EPHA3: variants seen among roughly 807,000 people sequenced by gnomAD.
EPHA3 encodes EPH receptor A3, also known as ephrin type-A receptor 3.
Under a neutral mutation model 107.1 loss-of-function variants are expected in EPHA3, and 42 were observed. The observed-to-expected ratio is 0.39, with a 90% CI of 0.31 to 0.51. EPHA3 has a LOEUF of 0.51. EPHA3 is among the 20% of genes least tolerant of loss of function. The probability of loss-of-function intolerance (pLI) is 0.78; values close to 1 mark genes in which losing one functional copy is unlikely to be tolerated. For synonymous variants in EPHA3, 461 were observed against 424.8 expected (o/e 1.09, Z -1.05); for missense variants, 1,183 against 1,211.2 (o/e 0.98, Z 0.35).
At chr3:89,412,311 C>A (rs1576365293) in intron 9 of EPHA3, among the ~76,000 whole-genome samples, 1 of 151,402 alleles carries the variant, frequency 6.6e-6, no homozygotes, top group East Asian at 1.9e-4. Context: ...ACATTTTTAC[C>A]TTCAGAATAA....
chr3:89,157,965 A>C (rs1237649216), intron 2 of EPHA3, among the ~76,000 whole-genome samples: 1 of 151,998 alleles, frequency 6.6e-6, no homozygotes, highest in Non-Finnish European at 1.5e-5. Context: ...AGTGAGATAA[A>C]TGCCTAAAGT....
intron 2 of EPHA3, among the ~76,000 whole-genome samples, chr3:89,138,235 T>C (rs573261691): frequency 2.0e-5 from 3 of 152,098 alleles, no homozygotes; most frequent in African/African-American, 7.2e-5. Flanking sequence ...CCCTGGCAAC[T>C]TGGGAAATCT....
intron 2 of EPHA3, among the ~76,000 whole-genome samples, chr3:89,147,589 G>A (rs1483233872): frequency 1.3e-5 from 2 of 151,868 alleles, no homozygotes; most frequent in Admixed American, 6.6e-5. Context: ...GAACAGAATC[G>A]TGTTTCAATT....
At chr3:89,355,700 A>G (rs1371034900) in intron 5 of EPHA3, among the ~76,000 whole-genome samples, 6 of 150,844 alleles carry the variant, frequency 4.0e-5, no homozygotes, top group Non-Finnish European at 5.9e-5. Context: ...ATGAGAGAGC[A>G]TTTGTGACTG....
intron 3 of EPHA3, among the ~76,000 whole-genome samples, chr3:89,277,786 A>T (rs1158339697): frequency 6.6e-6 from 1 of 152,142 alleles, no homozygotes; most frequent in East Asian, 1.9e-4. Context: ...CCCATTTATG[A>T]AAATTCCCTA....
At chr3:89,192,700 T>C (rs1414662927) in intron 2 of EPHA3, among the ~76,000 whole-genome samples, 1 of 152,058 alleles carries the variant, frequency 6.6e-6, no homozygotes, top group Non-Finnish European at 1.5e-5. Context: ...TTGGATTTCA[T>C]ATTTTGAATA....
chr3:89,437,444 T>A (rs1300980663), intron 13 of EPHA3, among the ~76,000 whole-genome samples: 1 of 151,776 alleles, frequency 6.6e-6, no homozygotes, highest in Admixed American at 6.6e-5. Flanking sequence ...AACAGAAAAA[T>A]TAATTCCTTT....
chr3:89,341,725 C>A (rs116667804), intron 4 of EPHA3, 30 bp from the exon 5 acceptor site: 1 of 1,524,586 alleles, frequency 6.6e-7, no homozygotes, highest in Non-Finnish European at 8.9e-7. Flanking sequence ...AGAAGTGAGG[C>A]TCATTAATCT....
At chr3:89,300,377 A>C (rs1706453801) in intron 3 of EPHA3, among the ~76,000 whole-genome samples, 1 of 152,054 alleles carries the variant, frequency 6.6e-6, no homozygotes, top group East Asian at 1.9e-4. Context: ...TATATGTTTC[A>C]AACTTATATA....
At chr3:89,117,337 A>G (rs1371130520) in intron 1 of EPHA3, among the ~76,000 whole-genome samples, 3 of 152,084 alleles carry the variant, frequency 2.0e-5, no homozygotes, top group Admixed American at 1.3e-4. Context: ...TTTCCTATCT[A>G]CCTCAGACTG....
intron 3 of EPHA3, among the ~76,000 whole-genome samples, 171 bp from the exon 4 acceptor site, chr3:89,340,745 A>G (rs1385820982): frequency 6.6e-6 from 1 of 152,228 alleles, no homozygotes; most frequent in African/African-American, 2.4e-5. Flanking sequence ...AAATTCAAGC[A>G]TTTATGTAGA....
At chr3:89,470,545 C>T (rs1319832922) in intron 15 of EPHA3, among the ~76,000 whole-genome samples, 1 of 152,094 alleles carries the variant, frequency 6.6e-6, no homozygotes. Flanking sequence ...AGGAAACAGA[C>T]AAGAAATTCA....
At chr3:89,221,288 G>A (rs1432879526) in intron 3 of EPHA3, among the ~76,000 whole-genome samples, 1 of 152,132 alleles carries the variant, frequency 6.6e-6, no homozygotes, top group African/African-American at 2.4e-5. Flanking sequence ...TGACTCCAAG[G>A]GTGGGAGTGA....
At chr3:89,407,408 G>GT in intron 8 of EPHA3, 37 bp downstream of exon 8, 1 of 1,535,526 alleles carries the variant, frequency 6.5e-7, no homozygotes, top group Non-Finnish European at 9.0e-7. Flanking sequence ...CACTTTCTTT[G>GT]TTGCTTTGTT....
intron 5 of EPHA3, among the ~76,000 whole-genome samples, chr3:89,365,571 T>C (rs183543676): frequency 2.7e-5 from 4 of 150,868 alleles, no homozygotes; most frequent in African/African-American, 9.7e-5. Context: ...CATAGACTAA[T>C]GTTGCTGCAC....
chr3:89,313,449 AGTTT>A (rs1271503040), intron 3 of EPHA3, among the ~76,000 whole-genome samples: 2 of 151,728 alleles, frequency 1.3e-5, no homozygotes, highest in Non-Finnish European at 2.9e-5. Context: ...TTACACTGTT[AGTTT>A]AACAAAATGA....
At chr3:89,457,072 T>C (rs903743998) in intron 15 of EPHA3, among the ~76,000 whole-genome samples, 2 of 152,102 alleles carry the variant, frequency 1.3e-5, no homozygotes, top group Non-Finnish European at 2.9e-5. Flanking sequence ...TATTTGGAGT[T>C]TTCTGGTATT....
intron 10 of EPHA3, among the ~76,000 whole-genome samples, chr3:89,414,447 G>A (rs990180678): frequency 1.3e-5 from 2 of 151,630 alleles, no homozygotes; most frequent in Admixed American, 1.3e-4. Context: ...TGCTGATCCA[G>A]TGCCAAAACA....
intron 3 of EPHA3, among the ~76,000 whole-genome samples, chr3:89,307,696 C>A (rs1209273423): frequency 6.6e-6 from 1 of 152,036 alleles, no homozygotes; most frequent in Non-Finnish European, 1.5e-5. Flanking sequence ...GGACAGCAGG[C>A]ATGCACCACC....
Sources: gnomAD v4.1 joint callset for allele counts (sites outside exome capture counted in the v4.1 genomes callset) on GRCh38, gnomAD v4.1.1 for gene constraint, MANE v1.5 for transcripts, NCBI Gene and HGNC (gene_info 2026-07-23, HGNC 2026-07-21) for gene names.